The following ABCA5 variants were observed in gnomAD, a reference collection of about 807,000 sequenced individuals.
ABCA5 encodes the protein ATP binding cassette subfamily A member 5, also known as cholesterol transporter ABCA5.
In ABCA5, 163 loss-of-function variants were observed where a neutral mutation model predicts 206.0. That is an observed-to-expected ratio of 0.79 (90% CI 0.70 to 0.90). The LOEUF (loss-of-function observed/expected upper bound fraction) is 0.90. ABCA5 is among the 40% of genes least tolerant of loss of function. ABCA5 has a pLI of 0.00. For missense variants in ABCA5, 1,859 were observed against 1,912.9 expected, an observed-to-expected ratio of 0.97 and a Z score of 0.53; for synonymous variants, 609 against 613.8, an observed-to-expected ratio of 0.99 and a Z score of 0.11.
intron 7 of ABCA5, among the ~76,000 whole-genome samples, chr17:69,303,829 T>TATATATAC (rs2075684409): frequency 6.9e-5 from 1 of 14,584 alleles, no homozygotes; most frequent in African/African-American, 1.5e-4. Flanking sequence ...TATATATGTA[T>TATATATAC]ATATATATAT....
At chr17:69,249,549 C>T (rs573057368) in intron 37 of ABCA5, 30 of 219,622 alleles carry the variant, frequency 1.4e-4, no homozygotes, top group African/African-American at 6.8e-4. Flanking sequence ...TGCAAAGACT[C>T]GATAATTAAG....
At position 69,279,173 on chromosome 17, in the gene ABCA5, G is replaced by A. The variant is rs1326583252; in HGVS notation, c.2393-1331C>T. Among the ~76,000 whole-genome samples the A allele has an allele frequency of 2.0e-5, 3 of 151,980 alleles. No homozygotes were observed. The East Asian group carries it at 5.8e-4, about 29-fold the overall frequency. On this transcript the variant is annotated intron_variant, in intron 18 of 38. Transcript: ENST00000392676. ...GCCCAAAATCTCCTTCAGCTGATAG[G>A]CAACTTCAGCAAAGTCTCAGGATAC...
chr17:69,282,081 T>C (rs141240004), intron 18 of ABCA5, among the ~76,000 whole-genome samples: 40 of 152,324 alleles, frequency 2.6e-4, no homozygotes, highest in African/African-American at 9.1e-4. Flanking sequence ...CATCATGAAA[T>C]TGATCTGTCA....
rs1193876981 is a variant in ABCA5, at chr17:69,287,704, T to C, written c.1950A>G (p.Arg650=). 6.2e-7 allele frequency: 1 copy of C among 1,613,796 alleles called. No individual in the cohort carries two copies. Among genetic ancestry groups the C allele is most frequent in the African/African-American group, 1.3e-5 (1 of 74,912 alleles). ...ATTTTAAAAGATTCCATACAATATG[T>C]CGAGAACAGGGGTCCATTCCAGCTG... The part of the protein sequence containing the change: ...EPTAGMDPCS[R]HIVWNLLKYR... The change falls in exon 15 of 39, where the codon CGA becomes CGG. Residue 650 remains arginine, a synonymous_variant. Transcript: ENST00000392676.
At chr17:69,290,266 G>A (rs949611781) in intron 12 of ABCA5, among the ~76,000 whole-genome samples, 1 of 152,034 alleles carries the variant, frequency 6.6e-6, no homozygotes, top group Non-Finnish European at 1.5e-5. Context: ...GGAAAAGCAA[G>A]AAAGTAAAAG....
chr17:69,257,054 A>C (rs1474482784), intron 28 of ABCA5, among the ~76,000 whole-genome samples: 1 of 151,978 alleles, frequency 6.6e-6, no homozygotes, highest in East Asian at 1.9e-4. Context: ...CAGAAGACAT[A>C]ATGGAAAACA....
intron 1 of ABCA5, chr17:69,315,320 G>C (rs1242749663): frequency 1.3e-5 from 2 of 152,150 alleles, no homozygotes; most frequent in Admixed American, 6.5e-5. Context: ...AAAAGTTTTT[G>C]AAAAATAAAC....
Position 69,247,308 on chromosome 17 carries a change from A to G in ABCA5, c.*229T>C. ...GTGAAAAAGATGACATACAAACTAT[A>G]TAGTTCAATATACTTCAATACAAAC... On this transcript the variant is annotated 3_prime_UTR_variant, in exon 39 of 39. Transcript: ENST00000392676. 1 of 372,258 alleles carries G rather than the reference A, an allele frequency of 2.7e-6. No homozygotes were observed. The highest frequency in any genetic ancestry group is 4.8e-6 in the Non-Finnish European group (1 of 208,656). 23.1% of individuals were successfully genotyped at this position (372,258 alleles called of 1,614,324 possible).
Position 69,271,295 on chromosome 17 carries a change from G to C in ABCA5, c.2765-6C>G. On this transcript the variant is annotated splice_polypyrimidine_tract_variant and splice_region_variant and intron_variant, in intron 20 of 38. Transcript: ENST00000392676. The stretch of plus-strand genomic sequence containing the variant: ...AAGATCACTGATATCTGAGTCTGGT[G>C]TTAGAAAATAAGCAAATAATAAAAA... 1 of 1,602,386 alleles carries C rather than the reference G, an allele frequency of 6.2e-7. No individual in the cohort carries two copies. The highest frequency in any genetic ancestry group is 8.5e-7 in the Non-Finnish European group (1 of 1,175,748).
chr17:69,309,847 A>G (rs1234537276), intron 3 of ABCA5, among the ~76,000 whole-genome samples: 2 of 152,164 alleles, frequency 1.3e-5, no homozygotes, highest in Non-Finnish European at 1.5e-5. Context: ...CTCAAAAAAA[A>G]CAAACAAACA....
chr17:69,250,480 A>G lies in ABCA5; in HGVS notation c.4677T>C (p.Arg1559=), dbSNP rs375707717. ...ATTCTTTAAAATTTTACCTTTCCTGACGGCTTGCATTTGGGAAAATATACT... is the reference window on the plus strand; with the variant it reads ...ATTCTTTAAAATTTTACCTTTCCTGGCGGCTTGCATTTGGGAAAATATACT... ...EIQYIFPNAS[R]QESFSSILAY... is the part of the protein sequence containing the mutation. The change falls in exon 36 of 39, where the codon CGT becomes CGC. Residue 1559 remains arginine, a synonymous_variant. Coordinates refer to ENST00000392676, the MANE Select transcript of ABCA5 (RefSeq NM_172232.4). 9.3e-6 allele frequency: 15 copies of G among 1,607,960 alleles called. No homozygotes were observed. The African/African-American group carries it at 1.6e-4, about 17-fold the overall frequency.
intron 34 of ABCA5, among the ~76,000 whole-genome samples, chr17:69,252,608 G>T (rs1470363760): frequency 6.6e-6 from 1 of 151,980 alleles, no homozygotes; most frequent in South Asian, 2.1e-4. Flanking sequence ...GGCCGAAGGG[G>T]GCGGATCACC....
Position 69,289,314 on chromosome 17 carries a change from G to T in ABCA5, c.1783-18C>A. On this transcript the variant is annotated intron_variant, in intron 13 of 38. Coordinates refer to ENST00000392676, the MANE Select transcript of ABCA5 (RefSeq NM_172232.4). ...TTCTGCACCTGTAAAAGTAAAGCATGAACAATGTTATTTTAAAAATCATAC... is the reference window on the plus strand; with the variant it reads ...TTCTGCACCTGTAAAAGTAAAGCATTAACAATGTTATTTTAAAAATCATAC... 6.7e-7 allele frequency: 1 copy of T among 1,498,708 alleles called. No homozygotes were observed. The highest frequency in any genetic ancestry group is 8.9e-7 in the Non-Finnish European group (1 of 1,129,328). 92.8% of individuals were successfully genotyped at this position (1,498,708 alleles called of 1,614,324 possible).
chr17:69,244,658 T>G lies in ABCA5; in HGVS notation c.*2879A>C, dbSNP rs140910950. Reference sequence around the variant, plus strand: ...ATTAAAAATACATTAAGGATAAACATTTCTATTTCTCAAAAATTAATGCCT... The same window carrying G: ...ATTAAAAATACATTAAGGATAAACAGTTCTATTTCTCAAAAATTAATGCCT... On this transcript the variant is annotated 3_prime_UTR_variant, in exon 39 of 39. Coordinates refer to ENST00000392676, the MANE Select transcript of ABCA5 (RefSeq NM_172232.4). 12 of 151,648 alleles carry G rather than the reference T, an allele frequency of 7.9e-5. No individual in the cohort carries two copies. The East Asian group carries it at 2.3e-3, about 29-fold the overall frequency. 9.4% of individuals were successfully genotyped at this position (151,648 alleles called of 1,614,324 possible). A position where few individuals can be genotyped will look rare whatever the true frequency, so the allele number is the denominator to read the frequency against.
chr17:69,249,199 A>T (rs1049429263), intron 37 of ABCA5: 1 of 152,204 alleles, frequency 6.6e-6, no homozygotes, highest in Non-Finnish European at 1.5e-5. Context: ...AATCATAAAA[A>T]TCCTGTAGTT....
chr17:69,254,108 C>T, intron 32 of ABCA5, among the ~76,000 whole-genome samples: 1 of 152,046 alleles, frequency 6.6e-6, no homozygotes, highest in Non-Finnish European at 1.5e-5. Context: ...TATCCTGTAA[C>T]TAGAAATTAA....
Position 69,309,440 on chromosome 17 carries a change from C to A in ABCA5, c.308-17G>T. The A allele has an allele frequency of 2.0e-6, 3 of 1,477,810 alleles. No individual in the cohort carries two copies. The highest frequency in any genetic ancestry group is 1.8e-4 in the Middle Eastern group (1 of 5,552). 91.5% of individuals were successfully genotyped at this position (1,477,810 alleles called of 1,614,324 possible). A position where few individuals can be genotyped will look rare whatever the true frequency, so the allele number is the denominator to read the frequency against. On this transcript the variant is annotated splice_polypyrimidine_tract_variant and intron_variant, in intron 3 of 38. Transcript: ENST00000392676. ...TAATTATGACTGTAAGATATCATAA[C>A]AATATAGTTAGCTCACAAATTAAAA...
At chr17:69,315,219 G>A (rs2075804495) in intron 1 of ABCA5, 1 of 152,190 alleles carries the variant, frequency 6.6e-6, no homozygotes, top group Non-Finnish European at 1.5e-5. Flanking sequence ...GTGTGACAAA[G>A]GCTTGAGAAA....
At chr17:69,294,614 A>C in intron 11 of ABCA5, 41 bp downstream of exon 11, 1 of 1,488,388 alleles carries the variant, frequency 6.7e-7, no homozygotes, top group Non-Finnish European at 9.3e-7. Flanking sequence ...TTCTAGTTGT[A>C]CTTTAAATAC....
Sources: gnomAD v4.1 joint callset for allele counts (sites outside exome capture counted in the v4.1 genomes callset) on GRCh38, gnomAD v4.1.1 for gene constraint, MANE v1.5 for transcripts, NCBI Gene and HGNC (gene_info 2026-07-23, HGNC 2026-07-21) for gene names.